ROBO2: variants seen among roughly 807,000 people sequenced by gnomAD.
ROBO2 encodes the protein roundabout homolog 2.
A neutral mutation model predicts 160.8 loss-of-function variants in ROBO2; 53 were observed. The ratio of observed to expected loss-of-function variants is 0.33; its 90% CI spans 0.26 to 0.41. The LOEUF (loss-of-function observed/expected upper bound fraction) is 0.41, where lower values mean the gene tolerates loss of function less well. Among genes scored for constraint, ROBO2 ranks in the 10% least tolerant of loss-of-function variants. The pLI, the probability that ROBO2 is intolerant of heterozygous loss-of-function variation, is 1.00. For missense variants in ROBO2, 1,577 were observed against 1,722.4 expected (o/e 0.92, Z 1.49); for synonymous variants, 664 against 611.7 (o/e 1.09, Z -1.26).
intron 2 of ROBO2, among the ~76,000 whole-genome samples, chr3:77,401,674 G>A (rs2075808796): frequency 6.6e-6 from 1 of 152,104 alleles, no homozygotes; most frequent in Admixed American, 6.6e-5. Flanking sequence ...GAGCAGAGCA[G>A]GAGAGTACCC....
chr3:77,537,409 G>C (rs975857118), intron 6 of ROBO2, among the ~76,000 whole-genome samples: 1 of 152,104 alleles, frequency 6.6e-6, no homozygotes, highest in Non-Finnish European at 1.5e-5. Context: ...CTCATACAAT[G>C]AATGAATGTA....
chr3:77,292,295 G>C (rs2061392327), intron 2 of ROBO2, among the ~76,000 whole-genome samples: 2 of 149,002 alleles, frequency 1.3e-5, no homozygotes, highest in African/African-American at 4.9e-5. Flanking sequence ...CAGACATAAA[G>C]TAAAATTGAT....
chr3:76,612,776 A>G (rs2088236721), intron 2 of ROBO2, among the ~76,000 whole-genome samples: 1 of 152,170 alleles, frequency 6.6e-6, no homozygotes, highest in Non-Finnish European at 1.5e-5. Context: ...ACGAATACAT[A>G]TTCACAACTG....
intron 2 of ROBO2, among the ~76,000 whole-genome samples, chr3:77,027,852 G>T (rs1244337057): frequency 6.6e-6 from 1 of 152,104 alleles, no homozygotes; most frequent in Non-Finnish European, 1.5e-5. Context: ...AACTAATGAG[G>T]CCAGATTGCA....
intron 2 of ROBO2, among the ~76,000 whole-genome samples, chr3:76,204,569 A>G (rs1007532282): frequency 2.0e-5 from 3 of 152,224 alleles, no homozygotes; most frequent in African/African-American, 7.2e-5. Context: ...AGCCACCTGC[A>G]TCGAATTCTG....
At chr3:76,829,110 C>A (rs563686090) in intron 2 of ROBO2, among the ~76,000 whole-genome samples, 1 of 152,118 alleles carries the variant, frequency 6.6e-6, no homozygotes, top group Non-Finnish European at 1.5e-5. Flanking sequence ...ATTACAGACA[C>A]ACCTTGAACT....
At chr3:76,049,399 A>ATTTTT (rs1204742605) in intron 2 of ROBO2, among the ~76,000 whole-genome samples, 88 of 50,318 alleles carry the variant, frequency 1.7e-3, no homozygotes, top group African/African-American at 0.011. Flanking sequence ...ATATATATAT[A>ATTTTT]TATATTTTTT....
chr3:75,925,231 A>G (rs935092757), intron 1 of ROBO2, among the ~76,000 whole-genome samples: 1 of 151,850 alleles, frequency 6.6e-6, no homozygotes, highest in Non-Finnish European at 1.5e-5. Flanking sequence ...CATCTCTACA[A>G]AAAATACAAA....
chr3:76,048,776 G>C (rs1332347665), intron 2 of ROBO2, among the ~76,000 whole-genome samples: 1 of 152,094 alleles, frequency 6.6e-6, no homozygotes, highest in Admixed American at 6.5e-5. Flanking sequence ...TACGGTAACG[G>C]GGCACTGAAG....
At chr3:76,577,691 G>A (rs1284852929) in intron 2 of ROBO2, among the ~76,000 whole-genome samples, 2 of 152,052 alleles carry the variant, frequency 1.3e-5, no homozygotes, top group Non-Finnish European at 2.9e-5. Flanking sequence ...TCTGAATTGA[G>A]GATTTCGATT....
chr3:75,917,014 G>A (rs1301403656), intron 1 of ROBO2, among the ~76,000 whole-genome samples: 2 of 151,852 alleles, frequency 1.3e-5, no homozygotes, highest in East Asian at 3.9e-4. Context: ...TACACATATT[G>A]CGTACTTTCA....
intron 2 of ROBO2, among the ~76,000 whole-genome samples, chr3:77,301,960 T>C (rs1459258194): frequency 6.6e-6 from 1 of 151,978 alleles, no homozygotes. Flanking sequence ...TGGAGTGCAG[T>C]GGCACAGTCA....
intron 1 of ROBO2, among the ~76,000 whole-genome samples, chr3:75,916,388 T>C (rs1467328321): frequency 1.3e-5 from 2 of 152,152 alleles, no homozygotes; most frequent in Non-Finnish European, 2.9e-5. Flanking sequence ...TTATTTGCTG[T>C]AGTAAAATAT....
intron 2 of ROBO2, among the ~76,000 whole-genome samples, chr3:76,076,534 T>C (rs1479615832): frequency 6.6e-6 from 1 of 152,194 alleles, no homozygotes; most frequent in African/African-American, 2.4e-5. Context: ...AGGAACAAAA[T>C]TTAGCTAGTA....
At chr3:75,916,498 A>G (rs577571434) in intron 1 of ROBO2, among the ~76,000 whole-genome samples, 1 of 152,310 alleles carries the variant, frequency 6.6e-6, no homozygotes, top group African/African-American at 2.4e-5. Context: ...TATTGCTTTT[A>G]TTGACAGAAC....
At chr3:77,454,003 A>G (rs917861027) in intron 2 of ROBO2, among the ~76,000 whole-genome samples, 1 of 151,924 alleles carries the variant, frequency 6.6e-6, no homozygotes, top group African/African-American at 2.4e-5. Flanking sequence ...TCTATTTTCA[A>G]TCCTCATTTC....
chr3:77,214,259 G>GC (rs2084605245), intron 2 of ROBO2, among the ~76,000 whole-genome samples: 1 of 152,126 alleles, frequency 6.6e-6, no homozygotes, highest in Non-Finnish European at 1.5e-5. Context: ...GAGTCTGGGT[G>GC]CTCCTGTATT....
chr3:76,172,604 A>G (rs983277470), intron 2 of ROBO2, among the ~76,000 whole-genome samples: 1 of 152,050 alleles, frequency 6.6e-6, no homozygotes, highest in African/African-American at 2.4e-5. Flanking sequence ...TCACTATACA[A>G]TCCAAAATTA....
intron 17 of ROBO2, among the ~76,000 whole-genome samples, chr3:77,594,047 C>T (rs2094243097): frequency 6.6e-6 from 1 of 152,052 alleles, no homozygotes; most frequent in South Asian, 2.1e-4. Context: ...AGGTTTATTG[C>T]ACTTTTGCAA....
Sources: allele counts gnomAD v4.1 joint callset (sites outside exome capture counted in the v4.1 genomes callset), GRCh38; gene constraint gnomAD v4.1.1; transcripts MANE v1.5; gene names NCBI Gene and HGNC (gene_info 2026-07-23, HGNC 2026-07-21).